Variants in DTNBP1 observed in about 807,000 individuals in gnomAD.
The protein encoded by DTNBP1 is dysbindin.
Under a neutral mutation model 42.8 loss-of-function variants are expected in DTNBP1, and 35 were observed. That is an observed-to-expected ratio of 0.82 (90% confidence interval 0.63 to 1.09). DTNBP1 has a LOEUF of 1.09. Ranked by LOEUF, DTNBP1 falls within the 50% of genes least tolerant of loss-of-function variation. The pLI is 0.00. For missense variants in DTNBP1, 457 were observed against 424.2 expected (o/e 1.08, Z -0.68); for synonymous variants, 171 against 162.2 (o/e 1.05, Z -0.41).
rs1243081332 is a variant in DTNBP1, at chr6:15,585,663, A to G, written c.511+7396T>C. ...TACAGCAATGTATCCAGGCATGGAA[A>G]TAAACATTTCAAAGGAAAGCAGCAA... On this transcript the variant is annotated intron_variant, in intron 7 of 9. Coordinates refer to ENST00000344537, the MANE Select transcript of DTNBP1 (RefSeq NM_032122.5). 2.6e-6 allele frequency: 4 copies of G among 1,522,162 alleles called. No individual in the cohort carries two copies. In the African/African-American group the frequency reaches 5.5e-5, roughly 21 times the overall value. 94.3% of individuals were successfully genotyped at this position (1,522,162 alleles called of 1,614,324 possible). A position where few individuals can be genotyped will look rare whatever the true frequency, so the allele number is the denominator to read the frequency against.
At chr6:15,597,322 G>C (rs976921448) in intron 6 of DTNBP1, among the ~76,000 whole-genome samples, 2 of 152,164 alleles carry the variant, frequency 1.3e-5, no homozygotes, top group Admixed American at 6.5e-5. Flanking sequence ...AGCAAGGACT[G>C]AGCTGATGCA....
chr6:15,545,953 C>A (rs1264033188), intron 7 of DTNBP1: 2 of 384,742 alleles, frequency 5.2e-6, no homozygotes, highest in East Asian at 7.4e-5. Flanking sequence ...CTCAGGCAGG[C>A]GGGTCTCAGC....
At chr6:15,523,492 AAT>A in intron 9 of DTNBP1, 3 of 1,286,768 alleles carry the variant, frequency 2.3e-6, no homozygotes, top group Non-Finnish European at 3.0e-6. Context: ...ATACGCGTGT[AAT>A]AGAGGCCCAA....
chr6:15,523,593 CAG>C lies in DTNBP1; in HGVS notation c.812-376_812-375del, dbSNP rs1561930504. The C allele has an allele frequency of 7.0e-6, 9 of 1,278,432 alleles. No homozygotes were observed. The Admixed American group carries it at 7.1e-5, about 10-fold the overall frequency. 79.2% of individuals were successfully genotyped at this position (1,278,432 alleles called of 1,614,324 possible). A position where few individuals can be genotyped will look rare whatever the true frequency, so the allele number is the denominator to read the frequency against. On this transcript the variant is annotated intron_variant, in intron 9 of 9. Transcript: ENST00000344537. ...TTTTTTTTTACCCTTTGCAGTAATT[CAG>C]AGACACCACTGCTGAGAAAGTCGGA...
chr6:15,536,038 A>G (rs1773208259), intron 7 of DTNBP1, among the ~76,000 whole-genome samples: 1 of 152,264 alleles, frequency 6.6e-6, no homozygotes. Flanking sequence ...TAAGCAGTAA[A>G]GCATTCAAGA....
intron 8 of DTNBP1, among the ~76,000 whole-genome samples, chr6:15,529,105 T>G (rs1388664260): frequency 6.6e-6 from 1 of 152,182 alleles, no homozygotes. Context: ...GGCCACACAG[T>G]GAGACCCTGT....
chr6:15,629,246 C>T (rs1371092942), intron 4 of DTNBP1, among the ~76,000 whole-genome samples: 1 of 152,070 alleles, frequency 6.6e-6, no homozygotes, highest in Non-Finnish European at 1.5e-5. Context: ...ATGATTCCTG[C>T]CCTCTTATTG....
chr6:15,523,108 C>T lies in DTNBP1; in HGVS notation c.923G>A (p.Arg308Gln), dbSNP rs374085686. Residue 308 changes from arginine to glutamine, a missense_variant, in exon 10 of 10, where the codon CGG becomes CAG. Physicochemically the swap from Arg to Gln is conservative, Grantham distance 43. Coordinates refer to ENST00000344537, the MANE Select transcript of DTNBP1 (RefSeq NM_032122.5). ...GGACTCCCCACCCTCACTGATGTCC[C>T]GGGTGGCCGAGTCGGTGCAGGTGGA... ...SSSTCTDSATRDISEGGESPV... is the reference protein window; with the variant it reads ...SSSTCTDSATQDISEGGESPV... 29 of 1,614,106 alleles carry T rather than the reference C, an allele frequency of 1.8e-5. No individual in the cohort carries two copies. The highest frequency in any genetic ancestry group is 4.5e-5 in the East Asian group (2 of 44,892).
chr6:15,553,001 TCAAA>T lies in DTNBP1; in HGVS notation c.512-19610_512-19607del, dbSNP rs528292604. ...CTTAAGGAAAAAGTTTCATCTAAGC[TCAAA>T]CAATCATTTTATTTCATTGCTTAGT... On this transcript the variant is annotated intron_variant, in intron 7 of 9. Coordinates refer to ENST00000344537, the MANE Select transcript of DTNBP1 (RefSeq NM_032122.5). 1.7e-4 allele frequency among the ~76,000 whole-genome samples: 26 copies of T among 152,290 alleles called. No individual in the cohort carries two copies. In the South Asian group the frequency reaches 3.1e-3, roughly 18 times the overall value.
At chr6:15,533,758 C>G in intron 7 of DTNBP1, 1 of 454,042 alleles carries the variant, frequency 2.2e-6, no homozygotes, top group South Asian at 1.6e-5. Flanking sequence ...GCTGCTCCAT[C>G]CAGATGTTTC....
chr6:15,554,719 C>G (rs773949635), intron 7 of DTNBP1, among the ~76,000 whole-genome samples: 1 of 152,194 alleles, frequency 6.6e-6, no homozygotes, highest in South Asian at 2.1e-4. Flanking sequence ...ACACATGCAA[C>G]GGAGCTTCAT....
At chr6:15,569,353 A>ACCCCCCCCCC (rs11332178) in intron 7 of DTNBP1, among the ~76,000 whole-genome samples, 22 of 127,164 alleles carry the variant, frequency 1.7e-4, no homozygotes, top group East Asian at 2.5e-4. Flanking sequence ...GCCAGTTAAG[A>ACCCCCCCCCC]CCCCCCCCCG....
At chr6:15,562,282 T>C (rs1245032277) in intron 7 of DTNBP1, among the ~76,000 whole-genome samples, 3 of 152,244 alleles carry the variant, frequency 2.0e-5, no homozygotes. Flanking sequence ...GACCCCTTTC[T>C]GGTAACAATA....
chr6:15,613,570 G>A (rs898814109), intron 6 of DTNBP1, among the ~76,000 whole-genome samples: 1 of 151,898 alleles, frequency 6.6e-6, no homozygotes, highest in African/African-American at 2.4e-5. Flanking sequence ...GTTTCACCGT[G>A]TTAGCCAGCA....
chr6:15,612,107 T>C (rs114040848), intron 6 of DTNBP1, among the ~76,000 whole-genome samples: 164 of 152,326 alleles, frequency 1.1e-3, no homozygotes, highest in Middle Eastern at 0.01. Flanking sequence ...CATTGTTATC[T>C]TATTTTAATT....
At chr6:15,565,648 ACAAAGCTGG>A (rs1775038706) in intron 7 of DTNBP1, among the ~76,000 whole-genome samples, 1 of 152,232 alleles carries the variant, frequency 6.6e-6, no homozygotes, top group Non-Finnish European at 1.5e-5. Flanking sequence ...ATCTATAGAG[ACAAAGCTGG>A]TTATGCTTAT....
chr6:15,633,814 T>C lies in DTNBP1; in HGVS notation c.222+3930A>G, dbSNP rs114255972. Among the ~76,000 whole-genome samples, 597 of 152,004 alleles carry C rather than the reference T, an allele frequency of 3.9e-3. 3 individuals are homozygous for C. Among genetic ancestry groups the C allele is most frequent in the African/African-American group, 0.013 (554 of 41,428 alleles). ...AACATTAAAAAAAAACAAACAAAAC[T>C]CTCAACCAGAAAAAAGGTTATGATT... is the stretch of plus-strand genomic sequence containing the variant. On this transcript the variant is annotated intron_variant, in intron 4 of 9. Transcript: ENST00000344537.
In DTNBP1 at chr6:15,656,243, C is replaced by A. The variant is rs557332698; in HGVS notation, c.57-4103G>T. 4.6e-5 allele frequency among the ~76,000 whole-genome samples: 7 copies of A among 152,302 alleles called. No homozygotes were observed. The South Asian group carries it at 1.5e-3, about 32-fold the overall frequency. ...AGGCTTGCCCAGCCCTATTCTTGGT[C>A]TTCTCCCAAGTACCATACACCCCAT... On this transcript the variant is annotated intron_variant, in intron 1 of 9. Coordinates refer to ENST00000344537, the MANE Select transcript of DTNBP1 (RefSeq NM_032122.5).
chr6:15,545,546 C>T (rs1280815098), intron 7 of DTNBP1, among the ~76,000 whole-genome samples: 1 of 152,086 alleles, frequency 6.6e-6, no homozygotes, highest in East Asian at 1.9e-4. Flanking sequence ...TTACATGCAA[C>T]TAAAAAAAGA....
Sources: allele counts gnomAD v4.1 joint callset (sites outside exome capture counted in the v4.1 genomes callset), GRCh38; gene constraint gnomAD v4.1.1; transcripts MANE v1.5; gene names NCBI Gene and HGNC (gene_info 2026-07-23, HGNC 2026-07-21).